Variants in FAM53A observed in about 807,000 individuals in gnomAD.
FAM53A encodes protein FAM53A.
A neutral mutation model predicts 26.6 loss-of-function variants in FAM53A; 28 were observed. The ratio of observed to expected loss-of-function variants is 1.05; its 90% CI spans 0.78 to 1.45. The LOEUF is 1.45. Ranked by LOEUF, FAM53A falls within the 40% of genes most tolerant of loss-of-function variation. The probability of loss-of-function intolerance (pLI) is 0.00; values close to 1 mark genes in which losing one functional copy is unlikely to be tolerated. For synonymous variants in FAM53A, 290 were observed against 253.1 expected (o/e 1.15, Z -1.38); for missense variants, 650 against 575.8 (o/e 1.13, Z -1.32).
intron 4 of FAM53A, among the ~76,000 whole-genome samples, chr4:1,642,549 C>G (rs1711816227): frequency 6.6e-6 from 1 of 152,196 alleles, no homozygotes. Flanking sequence ...CAGTCTCCAT[C>G]CACCCAGGCG....
chr4:1,575,550 T>A, the FAM53A span, among the ~76,000 whole-genome samples: 2 of 151,760 alleles, frequency 1.3e-5, no homozygotes, highest in Non-Finnish European at 2.9e-5. Context: ...TTGCTGAAGG[T>A]ATGGCAGGAA....
rs781140768 is a variant in FAM53A at position 1,668,679 on chromosome 4, C to T, written c.63G>A (p.Ala21=). 1.4e-5 allele frequency: 23 copies of T among 1,614,044 alleles called. 1 individual carries two copies. The highest frequency in any genetic ancestry group is 1.3e-4 in the South Asian group (12 of 91,088). The change falls in exon 2 of 5, where the codon GCG becomes GCA. Residue 21 remains alanine, a synonymous_variant. Coordinates refer to ENST00000308132, the MANE Select transcript of FAM53A (RefSeq NM_001174070.3). ...TGCAGCTGCTTACCGGGCCAGCCTC[C>T]GCCTTGCAGGTGAGGTCGTCCAGGC... ...SQSLDDLTCK[A]EAGPLQYSAE...
the FAM53A span, among the ~76,000 whole-genome samples, chr4:1,579,551 G>C: frequency 6.6e-6 from 1 of 152,226 alleles, no homozygotes; most frequent in South Asian, 2.1e-4. Flanking sequence ...GTCAGCCGGT[G>C]ACGCAGCCTC....
At chr4:1,624,666 G>A (rs1715200094) in intron 1 of FAM53A, among the ~76,000 whole-genome samples, 1 of 152,178 alleles carries the variant, frequency 6.6e-6, no homozygotes. Flanking sequence ...CCGCCTCCCC[G>A]CCACCACGCC....
At chr4:1,616,400 C>G (rs1714812232), downstream of FAM53A, among the ~76,000 whole-genome samples, 1 of 152,148 alleles carries the variant, frequency 6.6e-6, no homozygotes, top group Non-Finnish European at 1.5e-5. Context: ...AAGTTGGCGC[C>G]CAGCAGGCTG....
chr4:1,636,274 A>G (rs4865451), downstream of FAM53A, among the ~76,000 whole-genome samples: 60,133 of 151,884 alleles, frequency 0.4, 12,959 homozygotes, highest in African/African-American at 0.56. Flanking sequence ...TTCCATAGAC[A>G]CCCCTCCGCT....
At chr4:1,685,003 G>A (rs1715723956), upstream of FAM53A, among the ~76,000 whole-genome samples, 2 of 152,228 alleles carry the variant, frequency 1.3e-5, no homozygotes, top group African/African-American at 4.8e-5. Flanking sequence ...GAAGGAGGCC[G>A]TGCCCCGCTC....
At chr4:1,597,865 G>A in the FAM53A span, among the ~76,000 whole-genome samples, 3 of 152,222 alleles carry the variant, frequency 2.0e-5, no homozygotes, top group Non-Finnish European at 4.4e-5. Flanking sequence ...ATGTGGTGGC[G>A]GGCGCCTGTA....
chr4:1,575,151 G>C, the FAM53A span, among the ~76,000 whole-genome samples: 1 of 152,170 alleles, frequency 6.6e-6, no homozygotes, highest in Non-Finnish European at 1.5e-5. Context: ...GAGGCAGCTG[G>C]GGGCCACCCG....
downstream of FAM53A, among the ~76,000 whole-genome samples, chr4:1,613,927 G>A (rs892013230): frequency 1.3e-5 from 2 of 152,246 alleles, no homozygotes; most frequent in Non-Finnish European, 2.9e-5. Flanking sequence ...GGGAGAGGCT[G>A]GGATCACATC....
chr4:1,678,799 G>T (rs896743056), intron 1 of FAM53A, among the ~76,000 whole-genome samples: 1 of 152,024 alleles, frequency 6.6e-6, no homozygotes, highest in Non-Finnish European at 1.5e-5. Context: ...TACAGCCTGG[G>T]CAACAAAGCA....
intron 1 of FAM53A, among the ~76,000 whole-genome samples, chr4:1,618,621 T>C (rs944457938): frequency 6.6e-6 from 1 of 152,166 alleles, no homozygotes. Flanking sequence ...AGGGGTGGAC[T>C]GTGGCTCATG....
chr4:1,625,313 G>A (rs1477693330), intron 1 of FAM53A, among the ~76,000 whole-genome samples: 8 of 37,762 alleles, frequency 2.1e-4, no homozygotes, highest in Non-Finnish European at 2.6e-4. Flanking sequence ...CCCACGTCCC[G>A]GCCCACGTGG....
At chr4:1,664,083 C>T (rs1714050843) in intron 2 of FAM53A, among the ~76,000 whole-genome samples, 1 of 152,096 alleles carries the variant, frequency 6.6e-6, no homozygotes, top group Non-Finnish European at 1.5e-5. Flanking sequence ...CATGAGACAC[C>T]CTGAATCTGG....
At position 1,672,363 on chromosome 4, in the gene FAM53A, G is replaced by C. The variant is rs141001970; in HGVS notation, c.-164-3458C>G. 1.9e-4 allele frequency among the ~76,000 whole-genome samples: 26 copies of C among 137,744 alleles called. No homozygotes were observed. The East Asian group carries it at 5.0e-3, about 26-fold the overall frequency. The allele number at this position is 137,744 out of a possible 152,430, so 90.4% of individuals were successfully genotyped here. A position where few individuals can be genotyped will look rare whatever the true frequency, so the allele number is the denominator to read the frequency against. ...ATAGACCCATGGACCCAGGAACCCA[G>C]GAACCCACGAACCCACGAACCCAGG... On this transcript the variant is annotated intron_variant, in intron 1 of 4. Coordinates refer to ENST00000308132, the MANE Select transcript of FAM53A (RefSeq NM_001174070.3).
At chr4:1,614,401 C>CAGAGACGTGAGGGGGATGA (rs1714733400), downstream of FAM53A, among the ~76,000 whole-genome samples, 1 of 137,040 alleles carries the variant, frequency 7.3e-6, no homozygotes, top group African/African-American at 3.0e-5. Flanking sequence ...GAGGGGCATG[C>CAGAGACGTGAGGGGGATGA]AGAGACGTGA....
intron 2 of FAM53A, 94 bp from the exon 3 acceptor site, chr4:1,657,562 TC>T: frequency 9.6e-7 from 1 of 1,045,668 alleles, no homozygotes. Flanking sequence ...GTTCTACCTT[TC>T]CCCAGTGTTT....
chr4:1,607,993 T>G, the FAM53A span, among the ~76,000 whole-genome samples: 1 of 150,532 alleles, frequency 6.6e-6, no homozygotes, highest in Non-Finnish European at 1.5e-5. Flanking sequence ...GAGCCTGTAA[T>G]CCCAGCTACT....
intron 1 of FAM53A, among the ~76,000 whole-genome samples, chr4:1,677,722 G>C (rs577540444): frequency 1.3e-5 from 2 of 152,212 alleles, no homozygotes; most frequent in South Asian, 4.1e-4. Context: ...CCTCCCTTCA[G>C]ATGGCAAGAG....
Sources: allele counts gnomAD v4.1 joint callset (sites outside exome capture counted in the v4.1 genomes callset), GRCh38; gene constraint gnomAD v4.1.1; transcripts MANE v1.5; gene names NCBI Gene and HGNC (gene_info 2026-07-23, HGNC 2026-07-21).